Variants in ADGRL2 observed in about 807,000 individuals in gnomAD.
ADGRL2 encodes adhesion G protein-coupled receptor L2.
A neutral mutation model predicts 157.4 loss-of-function variants in ADGRL2; 44 were observed. The ratio of observed to expected loss-of-function variants is 0.28; its 90% CI spans 0.22 to 0.36. The LOEUF is 0.36. Ranked by LOEUF, ADGRL2 falls within the 10% of genes least tolerant of loss-of-function variation. ADGRL2 has a pLI of 1.00. For missense variants in ADGRL2, 1,510 were observed against 1,768.9 expected, an observed-to-expected ratio of 0.85 and a Z score of 2.63; for synonymous variants, 585 against 624.7, an observed-to-expected ratio of 0.94 and a Z score of 0.95.
intron 2 of ADGRL2, among the ~76,000 whole-genome samples, chr1:81,528,769 C>T (rs998102639): frequency 1.3e-5 from 2 of 151,252 alleles, no homozygotes; most frequent in African/African-American, 4.9e-5. Context: ...CTATTGATTG[C>T]AGGATTAAAG....
chr1:81,409,177 T>G (rs532264590), intron 1 of ADGRL2, among the ~76,000 whole-genome samples: 2 of 152,302 alleles, frequency 1.3e-5, no homozygotes, highest in East Asian at 3.9e-4. Flanking sequence ...TCTTTCCTTC[T>G]CAGTATCTGT....
At chr1:81,946,544 A>G (rs564011225) in intron 6 of ADGRL2, among the ~76,000 whole-genome samples, 1 of 152,032 alleles carries the variant, frequency 6.6e-6, no homozygotes, top group Non-Finnish European at 1.5e-5. Context: ...ATCTGTCTGC[A>G]CATGTGATAT....
At chr1:81,414,185 G>C (rs1316933939) in intron 1 of ADGRL2, 1 of 152,164 alleles carries the variant, frequency 6.6e-6, no homozygotes, top group Non-Finnish European at 1.5e-5. Flanking sequence ...AGGGTAGAAA[G>C]GGTCCCTTTA....
chr1:81,835,291 C>G (rs138162743), intron 1 of ADGRL2, among the ~76,000 whole-genome samples: 1 of 152,058 alleles, frequency 6.6e-6, no homozygotes, highest in Non-Finnish European at 1.5e-5. Context: ...TTCATCCACG[C>G]GTTTACATTA....
At chr1:81,687,698 CTTTG>C (rs764283376) in intron 3 of ADGRL2, among the ~76,000 whole-genome samples, 17 of 151,974 alleles carry the variant, frequency 1.1e-4, no homozygotes, top group Non-Finnish European at 1.5e-5. Flanking sequence ...TGCCTGTGTA[CTTTG>C]TTTTTTTGTT....
intron 1 of ADGRL2, among the ~76,000 whole-genome samples, chr1:81,760,153 T>G (rs2085825398): frequency 6.6e-6 from 1 of 152,106 alleles, no homozygotes; most frequent in Admixed American, 6.6e-5. Context: ...AACATTTATA[T>G]GTGTGGGTGG....
chr1:81,923,809 A>G (rs1487629965), intron 3 of ADGRL2, among the ~76,000 whole-genome samples: 5 of 152,160 alleles, frequency 3.3e-5, no homozygotes, highest in African/African-American at 1.2e-4. Context: ...AGGTGAAACT[A>G]CAGTCCCAGA....
chr1:81,934,164 A>G (rs1457072319), intron 3 of ADGRL2, among the ~76,000 whole-genome samples: 1 of 152,076 alleles, frequency 6.6e-6, no homozygotes, highest in African/African-American at 2.4e-5. Flanking sequence ...GATTATTTAA[A>G]TCAATAAAAA....
chr1:81,516,244 A>G (rs1039928065), intron 2 of ADGRL2, among the ~76,000 whole-genome samples: 2 of 152,160 alleles, frequency 1.3e-5, no homozygotes, highest in Non-Finnish European at 2.9e-5. Flanking sequence ...TTATTTTTTC[A>G]AAATGACAAT....
intron 1 of ADGRL2, among the ~76,000 whole-genome samples, chr1:81,378,915 T>G (rs965764184): frequency 1.3e-5 from 2 of 152,154 alleles, no homozygotes. Context: ...TCAAGAGATG[T>G]TATTACTATT....
chr1:81,919,142 A>G (rs1335401743), intron 3 of ADGRL2, among the ~76,000 whole-genome samples: 2 of 152,084 alleles, frequency 1.3e-5, no homozygotes, highest in Non-Finnish European at 2.9e-5. Context: ...TATTTCAGAG[A>G]TTTAGGATTT....
intron 2 of ADGRL2, among the ~76,000 whole-genome samples, chr1:81,905,808 T>C (rs1255879980): frequency 3.9e-5 from 6 of 152,216 alleles, no homozygotes; most frequent in Non-Finnish European, 1.5e-5. Flanking sequence ...AATTTTCACA[T>C]AGCTTTTGCC....
intron 1 of ADGRL2, among the ~76,000 whole-genome samples, chr1:81,362,574 T>A (rs552031578): frequency 2.0e-5 from 3 of 152,112 alleles, no homozygotes; most frequent in East Asian, 3.9e-4. Flanking sequence ...TTCAAAAATA[T>A]AAGGTATATT....
At chr1:81,531,390 G>A (rs1285393554) in intron 2 of ADGRL2, among the ~76,000 whole-genome samples, 1 of 152,178 alleles carries the variant, frequency 6.6e-6, no homozygotes, top group Admixed American at 6.5e-5. Flanking sequence ...TAGAGATTCT[G>A]AGAATTAGAA....
intron 3 of ADGRL2, among the ~76,000 whole-genome samples, chr1:81,928,866 A>G (rs1280564376): frequency 6.6e-6 from 1 of 152,080 alleles, no homozygotes; most frequent in East Asian, 1.9e-4. Context: ...CCAAAAAGTG[A>G]GCACTTTTAA....
At chr1:81,682,832 T>C (rs934072580) in intron 3 of ADGRL2, among the ~76,000 whole-genome samples, 24 of 152,256 alleles carry the variant, frequency 1.6e-4, no homozygotes, top group African/African-American at 5.8e-4. Flanking sequence ...AGAATGTTCG[T>C]GAAAAAGGGT....
chr1:81,668,180 T>TG (rs1287967689), intron 3 of ADGRL2, among the ~76,000 whole-genome samples: 1 of 152,040 alleles, frequency 6.6e-6, no homozygotes, highest in Non-Finnish European at 1.5e-5. Flanking sequence ...CCCAGCACTT[T>TG]GGGGGGCGAA....
At chr1:81,453,195 G>A (rs2077734185) in intron 2 of ADGRL2, among the ~76,000 whole-genome samples, 2 of 152,158 alleles carry the variant, frequency 1.3e-5, no homozygotes, top group East Asian at 1.9e-4. Flanking sequence ...CTGACTAACT[G>A]CATAACAACT....
chr1:81,518,914 A>G (rs2079245241), intron 2 of ADGRL2, among the ~76,000 whole-genome samples: 1 of 152,214 alleles, frequency 6.6e-6, no homozygotes, highest in Non-Finnish European at 1.5e-5. Context: ...TTAAGTTTAA[A>G]GCATTACTTT....
Sources: allele counts gnomAD v4.1 joint callset (sites outside exome capture counted in the v4.1 genomes callset), GRCh38; gene constraint gnomAD v4.1.1; transcripts MANE v1.5; gene names NCBI Gene and HGNC (gene_info 2026-07-23, HGNC 2026-07-21).